The following C2orf92 variants were observed in gnomAD, a reference collection of about 807,000 sequenced individuals.
C2orf92 encodes the protein uncharacterized protein C2orf92.
In C2orf92 at chr2:97,695,398, C is replaced by T. The variant is rs1371506222; in HGVS notation, c.404-3628C>T. Among the ~76,000 whole-genome samples the T allele has an allele frequency of 2.0e-5, 3 of 152,112 alleles. No individual in the cohort carries two copies. The East Asian group carries it at 5.8e-4, about 29-fold the overall frequency. ...ATATGATATCCTGTTTTCCTAGTACCATTTGTTAACCTATTAAAATTCTTG... is the reference window on the plus strand; with the variant it reads ...ATATGATATCCTGTTTTCCTAGTACTATTTGTTAACCTATTAAAATTCTTG... On this transcript the variant is annotated intron_variant, in intron 5 of 7. Coordinates refer to ENST00000627399, the MANE Select transcript of C2orf92 (RefSeq NM_001351368.2).
intron 3 of C2orf92, among the ~76,000 whole-genome samples, chr2:97,683,076 C>CCACACACACACACACACACACACA (rs760650490): frequency 7.0e-6 from 1 of 143,166 alleles, no homozygotes; most frequent in Non-Finnish European, 1.5e-5. Flanking sequence ...CATATAGACT[C>CCACACACACACACACACACACACA]CACACACACA....
chr2:97,689,375 G>C (rs767962239), intron 4 of C2orf92, among the ~76,000 whole-genome samples: 7 of 152,150 alleles, frequency 4.6e-5, no homozygotes, highest in Non-Finnish European at 2.9e-5. Context: ...TGCACAACGT[G>C]GTTTGAGAGA....
chr2:97,681,286 T>C (rs988488185), intron 3 of C2orf92, among the ~76,000 whole-genome samples: 1 of 152,078 alleles, frequency 6.6e-6, no homozygotes, highest in Non-Finnish European at 1.5e-5. Context: ...GGATAGCCCA[T>C]ATGTTAGGAC....
At chr2:97,685,626 A>AAG (rs1675936428) in intron 3 of C2orf92, among the ~76,000 whole-genome samples, 1 of 150,564 alleles carries the variant, frequency 6.6e-6, no homozygotes, top group Non-Finnish European at 1.5e-5. Flanking sequence ...GCAGTGGCGC[A>AAG]ATCTCGGATC....
intron 2 of C2orf92, chr2:97,675,537 T>C: frequency 3.6e-6 from 1 of 278,478 alleles, no homozygotes; most frequent in Non-Finnish European, 6.6e-6. Context: ...TCATTTGCCA[T>C]ACACCATGTA....
intron 7 of C2orf92, 29 bp downstream of exon 7, chr2:97,701,333 C>T (rs1676490600): frequency 5.0e-6 from 2 of 398,602 alleles, no homozygotes; most frequent in Admixed American, 8.8e-5. Context: ...ACCTTCCTTC[C>T]AAGAACCCGC....
chr2:97,665,174 T>C (rs1349061438), upstream of C2orf92, among the ~76,000 whole-genome samples: 2 of 152,182 alleles, frequency 1.3e-5, no homozygotes. Context: ...GAGTGCAGGA[T>C]AGTTGAGTTC....
chr2:97,689,992 A>G (rs894924573), intron 4 of C2orf92, among the ~76,000 whole-genome samples: 6 of 152,062 alleles, frequency 3.9e-5, no homozygotes, highest in Non-Finnish European at 1.5e-5. Context: ...TTAGCCAGCC[A>G]TGGTGGCTCA....
At chr2:97,695,946 G>A (rs1262987315) in intron 5 of C2orf92, among the ~76,000 whole-genome samples, 1 of 152,092 alleles carries the variant, frequency 6.6e-6, no homozygotes, top group African/African-American at 2.4e-5. Context: ...GTTTAGCAGG[G>A]TAGTTCTGGC....
At chr2:97,692,567 GC>G (rs1037104555) in intron 5 of C2orf92, among the ~76,000 whole-genome samples, 1 of 151,916 alleles carries the variant, frequency 6.6e-6, no homozygotes, top group Admixed American at 6.6e-5. Context: ...ATGCCACCAT[GC>G]CCAGTTAATT....
chr2:97,663,942 T>A, upstream of C2orf92: 1 of 190,264 alleles, frequency 5.3e-6, no homozygotes, highest in Non-Finnish European at 1.1e-5. Flanking sequence ...AGGCACCGGA[T>A]GGGCGGGCGG....
intron 1 of C2orf92, chr2:97,674,126 C>T (rs994362685): frequency 2.5e-5 from 5 of 201,974 alleles, no homozygotes; most frequent in East Asian, 1.1e-4. Flanking sequence ...GGGAAAGGCC[C>T]GCTTCTCTGA....
In C2orf92 at chr2:97,673,439, T is replaced by G. The variant is rs553670610; in HGVS notation, c.47-1017T>G. On this transcript the variant is annotated intron_variant, in intron 1 of 7. Coordinates refer to ENST00000627399, the MANE Select transcript of C2orf92 (RefSeq NM_001351368.2). ...TCCTAGATGCTGTTTCCAGGTGTCT[T>G]GCATGTCACACACTGGCCTACCAGG... 2.6e-5 allele frequency among the ~76,000 whole-genome samples: 4 copies of G among 152,300 alleles called. No homozygotes were observed. In the South Asian group the frequency reaches 8.3e-4, roughly 32 times the overall value.
upstream of C2orf92, chr2:97,668,054 G>A (rs747364383): frequency 7.2e-5 from 11 of 152,200 alleles, no homozygotes; most frequent in Non-Finnish European, 1.6e-4. Context: ...AGCAGCAGAA[G>A]CAAAAGAGAT....
intron 3 of C2orf92, among the ~76,000 whole-genome samples, chr2:97,682,869 A>G (rs561036667): frequency 3.9e-5 from 6 of 152,162 alleles, no homozygotes; most frequent in Non-Finnish European, 8.8e-5. Flanking sequence ...ATCGTGCTCA[A>G]TGTTGAAAGA....
intron 5 of C2orf92, among the ~76,000 whole-genome samples, chr2:97,693,094 G>A (rs762276303): frequency 2.0e-5 from 3 of 152,090 alleles, no homozygotes; most frequent in African/African-American, 7.2e-5. Context: ...TCTTTTTGTG[G>A]TTGGTTTAGT....
chr2:97,699,022 G>A lies in C2orf92; in HGVS notation c.404-4G>A, dbSNP rs1208667377. 6 of 398,320 alleles carry A rather than the reference G, an allele frequency of 1.5e-5. No homozygotes were observed. The highest frequency in any genetic ancestry group is 8.8e-5 in the Admixed American group (2 of 22,702). 24.7% of individuals were successfully genotyped at this position (398,320 alleles called of 1,614,324 possible). ...TGTAGATGAACACATTTTATCTTTT[G>A]TAGATCACCTTTCAGAGGAGAAGAA... On this transcript the variant is annotated splice_region_variant and splice_polypyrimidine_tract_variant and intron_variant, in intron 5 of 7. Coordinates refer to ENST00000627399, the MANE Select transcript of C2orf92 (RefSeq NM_001351368.2).
upstream of C2orf92, chr2:97,665,737 C>CTCTCTCTATA (rs1675205585): frequency 6.8e-5 from 2 of 29,260 alleles, no homozygotes; most frequent in African/African-American, 1.3e-4. Flanking sequence ...CTCTCTCTCT[C>CTCTCTCTATA]TATATATATA....
chr2:97,681,839 A>G (rs1254160194), intron 3 of C2orf92, among the ~76,000 whole-genome samples: 1 of 151,510 alleles, frequency 6.6e-6, no homozygotes, highest in East Asian at 2.0e-4. Context: ...GCCTGGCAAC[A>G]GTGAAAGACT....
Sources: gnomAD v4.1 joint callset for allele counts (sites outside exome capture counted in the v4.1 genomes callset) on GRCh38, gnomAD v4.1.1 for gene constraint, MANE v1.5 for transcripts, NCBI Gene and HGNC (gene_info 2026-07-23, HGNC 2026-07-21) for gene names.